Variants in SH3TC1 observed in about 807,000 individuals in gnomAD.
SH3TC1 encodes SH3 domain and tetratricopeptide repeat-containing protein 1.
In SH3TC1, 135 loss-of-function variants were observed where a neutral mutation model predicts 117.3. The observed-to-expected ratio is 1.15, with a 90% CI of 1.00 to 1.33. The LOEUF (loss-of-function observed/expected upper bound fraction) is 1.33, where lower values mean the gene tolerates loss of function less well. Among genes scored for constraint, SH3TC1 ranks in the 40% most tolerant of loss-of-function variants. SH3TC1 has a pLI of 0.00. For synonymous variants in SH3TC1, 898 were observed against 816.9 expected, an observed-to-expected ratio of 1.10 and a Z score of -1.69; for missense variants, 2,092 against 1,794.3, an observed-to-expected ratio of 1.17 and a Z score of -3.00.
At chr4:8,194,665 C>T (rs1054854203), upstream of SH3TC1, among the ~76,000 whole-genome samples, 8 of 152,306 alleles carry the variant, frequency 5.3e-5, no homozygotes, top group Non-Finnish European at 7.3e-5. Flanking sequence ...CTCACCCTGG[C>T]GATGGGTCAC....
In SH3TC1 at chr4:8,225,421, C is replaced by T. The variant is rs1720373783; in HGVS notation, c.1285+205C>T. Among the ~76,000 whole-genome samples, 1 of 152,176 alleles carries T rather than the reference C, an allele frequency of 6.6e-6. No homozygotes were observed. Among genetic ancestry groups the T allele is most frequent in the African/African-American group, 2.4e-5 (1 of 41,434 alleles). ...GCACTGGAGGCCGTGGGGTCCCGCA[C>T]TTCTTCCAATGAACATGCTGGCCCC... On this transcript the variant is annotated intron_variant, in intron 11 of 17. Transcript: ENST00000245105. This position sits in a 1 kb window ranked among gnomAD's most constrained non-coding sequence, Gnocchi z 5.5.
intron 14 of SH3TC1, among the ~76,000 whole-genome samples, chr4:8,234,559 TCATCCATTTATC>T (rs1721632643): frequency 6.6e-6 from 1 of 150,690 alleles, no homozygotes; most frequent in African/African-American, 2.4e-5. Flanking sequence ...ATACATCTGC[TCATCCATTTATC>T]CATCCATCCA....
chr4:8,222,313 G>C (rs927935805), intron 9 of SH3TC1, among the ~76,000 whole-genome samples: 2 of 148,088 alleles, frequency 1.4e-5, no homozygotes, highest in Non-Finnish European at 3.0e-5. Context: ...TCCTGCTTCT[G>C]GGTATCTGCC....
chr4:8,240,582 G>A (rs1162681509), intron 17 of SH3TC1, 116 bp from the exon 18 acceptor site: 3 of 1,517,362 alleles, frequency 2.0e-6, no homozygotes, highest in African/African-American at 2.7e-5. Flanking sequence ...AGGCTTCGGG[G>A]CTCATGGGGT....
At chr4:8,236,241 G>T in intron 15 of SH3TC1, 37 bp from the exon 16 acceptor site, 2 of 1,517,634 alleles carry the variant, frequency 1.3e-6, no homozygotes, top group East Asian at 5.0e-5. Flanking sequence ...CAAGGTGGGT[G>T]CTGCGGGAAG....
At position 8,227,665 on chromosome 4, in the gene SH3TC1, TGGCCAGAGCCTGCAGGCCGA is replaced by T. The variant is rs1720635835; in HGVS notation, c.1976_1995del (p.Gln659ProfsTer50). 2.0e-6 allele frequency: 3 copies of T among 1,529,466 alleles called. No individual in the cohort carries two copies. Among genetic ancestry groups the T allele is most frequent in the South Asian group, 2.6e-5 (2 of 77,028 alleles). 94.7% of individuals were successfully genotyped at this position (1,529,466 alleles called of 1,614,324 possible). Reference sequence around the variant, plus strand: ...AGCTGGCGCTGCGGCGGGCGGTGGGTGGCCAGAGCCTGCAGGCCGAGGCCCGGGCCTGCTTCCTGCTGGCC... The same window carrying T: ...AGCTGGCGCTGCGGCGGGCGGTGGGTGGCCCGGGCCTGCTTCCTGCTGGCC... On this transcript the variant is annotated frameshift_variant, in exon 12 of 18. Coordinates refer to ENST00000245105, the MANE Select transcript of SH3TC1 (RefSeq NM_018986.5). LOFTEE classifies it high-confidence loss of function.
chr4:8,239,926 G>A (rs1446664927), intron 17 of SH3TC1, among the ~76,000 whole-genome samples: 1 of 152,234 alleles, frequency 6.6e-6, no homozygotes, highest in Non-Finnish European at 1.5e-5. Flanking sequence ...GGCCCTTCTC[G>A]CACCCCTGCC....
Position 8,233,351 on chromosome 4 carries a change from G to A in SH3TC1, c.3132-12G>A, listed in dbSNP as rs1363923659. ...TGACAGCCCTTGTTCTGACACCTGTGTCTGATACCAGGGCCTACAAATCCG... is the reference window on the plus strand; with the variant it reads ...TGACAGCCCTTGTTCTGACACCTGTATCTGATACCAGGGCCTACAAATCCG... On this transcript the variant is annotated splice_polypyrimidine_tract_variant and intron_variant, in intron 13 of 17. Coordinates refer to ENST00000245105, the MANE Select transcript of SH3TC1 (RefSeq NM_018986.5). The A allele has an allele frequency of 5.0e-6, 8 of 1,599,170 alleles. No homozygotes were observed. Among genetic ancestry groups the A allele is most frequent in the South Asian group, 1.1e-5 (1 of 88,486 alleles).
At chr4:8,233,213 T>G in intron 13 of SH3TC1, 150 bp from the exon 14 acceptor site, 1 of 1,414,644 alleles carries the variant, frequency 7.1e-7, no homozygotes, top group South Asian at 1.6e-5. Flanking sequence ...CCCCACCCTC[T>G]CAGCAGCCCG....
At chr4:8,239,475 C>T (rs994404538) in intron 17 of SH3TC1, among the ~76,000 whole-genome samples, 1 of 151,036 alleles carries the variant, frequency 6.6e-6, no homozygotes, top group Non-Finnish European at 1.5e-5. Context: ...GGCATATGCA[C>T]ACATAGGCAC....
At position 8,205,110 on chromosome 4, in the gene SH3TC1, C is replaced by T; in HGVS notation, c.-28-57C>T. On this transcript the variant is annotated intron_variant, in intron 1 of 17. Transcript: ENST00000245105. The surrounding 1 kb of genome is among the most constrained non-coding windows in gnomAD (Gnocchi z 5.4). ...TTCTGGACCCCAGGCCTGGACACAA[C>T]CTCCGTGCTGGTTCTGGAGGGGCCA... is the stretch of plus-strand genomic sequence containing the variant. 7.2e-7 allele frequency: 1 copy of T among 1,386,874 alleles called. No individual in the cohort carries two copies. Among genetic ancestry groups the T allele is most frequent in the East Asian group, 2.6e-5 (1 of 39,162 alleles). 85.9% of individuals were successfully genotyped at this position (1,386,874 alleles called of 1,614,324 possible). A position where few individuals can be genotyped will look rare whatever the true frequency, so the allele number is the denominator to read the frequency against.
At chr4:8,212,374 C>T (rs951596011) in intron 3 of SH3TC1, among the ~76,000 whole-genome samples, 5 of 152,056 alleles carry the variant, frequency 3.3e-5, no homozygotes, top group South Asian at 2.1e-4. Flanking sequence ...TTGGAGGTCA[C>T]GGTGACAGGG....
upstream of SH3TC1, among the ~76,000 whole-genome samples, chr4:8,197,502 C>T (rs759766534): frequency 5.3e-5 from 8 of 152,212 alleles, no homozygotes; most frequent in South Asian, 2.1e-4. Context: ...CTGGGAGCTG[C>T]GGCCCCTCTG....
At position 8,227,299 on chromosome 4, in the gene SH3TC1, CGAG is replaced by C. The variant is rs2152991416; in HGVS notation, c.1612_1614del (p.Glu538del). 1 of 1,609,520 alleles carries C rather than the reference CGAG, an allele frequency of 6.2e-7. No individual in the cohort carries two copies. The highest frequency in any genetic ancestry group is 2.2e-5 in the East Asian group (1 of 44,812). On this transcript the variant is annotated inframe_deletion, in exon 12 of 18. Coordinates refer to ENST00000245105, the MANE Select transcript of SH3TC1 (RefSeq NM_018986.5). ...GCAGCGTGTTCCGCAGCTTCAGCGA[CGAG>C]GAGGAGCTGACTGGGCGCCTGGCAC... is the stretch of plus-strand genomic sequence containing the variant.
rs376090788 is a variant in SH3TC1, at chr4:8,204,993, C to T, written c.-28-174C>T. On this transcript the variant is annotated intron_variant, in intron 1 of 17. Transcript: ENST00000245105. Reference sequence around the variant, plus strand: ...AGGGAGGGGAGGCGCAGCAGCGGTGCGGGATCACGCCCACCACAACACGGT... The same window carrying T: ...AGGGAGGGGAGGCGCAGCAGCGGTGTGGGATCACGCCCACCACAACACGGT... 42 of 444,852 alleles carry T rather than the reference C, an allele frequency of 9.4e-5. No homozygotes were observed. The South Asian group carries it at 1.4e-3, about 14-fold the overall frequency. The allele number at this position is 444,852 out of a possible 1,614,324, so 27.6% of individuals were successfully genotyped here. A position where few individuals can be genotyped will look rare whatever the true frequency, so the allele number is the denominator to read the frequency against.
chr4:8,227,910 G>A lies in SH3TC1; in HGVS notation c.2216G>A (p.Gly739Asp), dbSNP rs751137465. 3 of 1,612,688 alleles carry A rather than the reference G, an allele frequency of 1.9e-6. No homozygotes were observed. Among genetic ancestry groups the A allele is most frequent in the South Asian group, 1.1e-5 (1 of 91,084 alleles). The change falls in exon 12 of 18, where the codon GGC becomes GAC. Residue 739 changes from glycine (G) to aspartate (D), a missense_variant. Coordinates refer to ENST00000245105, the MANE Select transcript of SH3TC1 (RefSeq NM_018986.5). ...CVKVASLRTR[G>D]SLAGSLRSVN... ...AAGGTGGCCTCATTGCGGACACGGG[G>A]CTCGCTGGCCGGCTCGCTGAGGAGT...
Position 8,229,088 on chromosome 4 carries a change from A to T in SH3TC1, c.2950+444A>T, listed in dbSNP as rs1720872481. 3.6e-5 allele frequency: 6 copies of T among 166,030 alleles called. No homozygotes were observed. The Admixed American group carries it at 3.7e-4, about 10-fold the overall frequency. 10.3% of individuals were successfully genotyped at this position (166,030 alleles called of 1,614,324 possible). Reference sequence around the variant, plus strand: ...CTGTGCACCTGTCATCCCACTTCACAGAGGACGCAGGGGCGGGTGGTTACC... The same window carrying T: ...CTGTGCACCTGTCATCCCACTTCACTGAGGACGCAGGGGCGGGTGGTTACC... On this transcript the variant is annotated intron_variant, in intron 12 of 17. Transcript: ENST00000245105.
At chr4:8,191,697 A>C (rs1468396352) in intron 1 of SH3TC1, among the ~76,000 whole-genome samples, 1 of 152,136 alleles carries the variant, frequency 6.6e-6, no homozygotes. Flanking sequence ...GCGCAGAGGA[A>C]TCAACTCAGG....
At chr4:8,182,879 G>A (rs528086188) in intron 1 of SH3TC1, among the ~76,000 whole-genome samples, 1 of 152,334 alleles carries the variant, frequency 6.6e-6, no homozygotes, top group African/African-American at 2.4e-5. Flanking sequence ...CGAAGCCTCA[G>A]TCCCCCTCAT....
Sources: allele counts gnomAD v4.1 joint callset (sites outside exome capture counted in the v4.1 genomes callset), GRCh38; gene constraint gnomAD v4.1.1; non-coding constraint Gnocchi (gnomAD v3.1); transcripts MANE v1.5; gene names NCBI Gene and HGNC (gene_info 2026-07-23, HGNC 2026-07-21).